Variants in SCN9A observed in about 807,000 individuals in gnomAD.
The protein encoded by SCN9A is sodium voltage-gated channel alpha subunit 9, also known as sodium channel protein type 9 subunit alpha.
SCN9A carries 131 observed loss-of-function variants against 187.0 expected under a neutral mutation model. The ratio of observed to expected loss-of-function variants is 0.70; its 90% CI spans 0.61 to 0.81. SCN9A has a LOEUF of 0.81. Ranked by LOEUF, SCN9A falls within the 30% of genes least tolerant of loss-of-function variation. SCN9A has a pLI of 0.00. For synonymous variants in SCN9A, 809 were observed against 808.6 expected, an observed-to-expected ratio of 1.00 and a Z score of -0.01; for missense variants, 2,252 against 2,396.6, an observed-to-expected ratio of 0.94 and a Z score of 1.26.
At chr2:166,305,747 G>A in intron 5 of SCN9A, 45 bp downstream of exon 5, 1 of 1,612,316 alleles carries the variant, frequency 6.2e-7, no homozygotes, top group Non-Finnish European at 8.5e-7. Context: ...TGTGCTGCCT[G>A]AGATTTTCAT....
At chr2:166,214,341 C>T (rs1195605085) in intron 24 of SCN9A, among the ~76,000 whole-genome samples, 1 of 152,056 alleles carries the variant, frequency 6.6e-6, no homozygotes, top group Non-Finnish European at 1.5e-5. Flanking sequence ...CATTAGGCTA[C>T]ACGTTTTCCA....
intron 1 of SCN9A, among the ~76,000 whole-genome samples, chr2:166,360,978 G>A (rs1369737723): frequency 1.3e-5 from 2 of 152,136 alleles, no homozygotes; most frequent in Non-Finnish European, 2.9e-5. Context: ...TAACCCAGTT[G>A]TTAAATTCAT....
chr2:166,374,156 C>T (rs188790411), intron 1 of SCN9A, among the ~76,000 whole-genome samples: 199 of 152,334 alleles, frequency 1.3e-3, no homozygotes, highest in Non-Finnish European at 2.1e-3. Context: ...CATCTTTCTT[C>T]TGTAGAAGCA....
chr2:166,226,928 ATAT>A (rs1029903643), intron 23 of SCN9A, among the ~76,000 whole-genome samples: 1 of 152,086 alleles, frequency 6.6e-6, no homozygotes, highest in African/African-American at 2.4e-5. Context: ...GTAATAAATA[ATAT>A]AATCTTCAAA....
At chr2:166,373,540 T>A (rs1048233479) in intron 1 of SCN9A, among the ~76,000 whole-genome samples, 1 of 152,046 alleles carries the variant, frequency 6.6e-6, no homozygotes, top group Admixed American at 6.6e-5. Context: ...AGACGTATGA[T>A]GAAATAGAAA....
At chr2:166,303,923 G>T in intron 6 of SCN9A, 1 of 1,137,756 alleles carries the variant, frequency 8.8e-7, no homozygotes, top group Non-Finnish European at 1.3e-6. Flanking sequence ...TAATGATTGT[G>T]GAAAACAGAA....
intron 9 of SCN9A, among the ~76,000 whole-genome samples, chr2:166,290,804 A>G (rs1698029113): frequency 6.6e-6 from 1 of 152,330 alleles, no homozygotes; most frequent in Admixed American, 6.5e-5. Flanking sequence ...GTAATCCATC[A>G]CATAAACAGA....
At chr2:166,363,044 G>T (rs921381368) in intron 1 of SCN9A, among the ~76,000 whole-genome samples, 1 of 151,904 alleles carries the variant, frequency 6.6e-6, no homozygotes, top group African/African-American at 2.4e-5. Context: ...CCTCCACAAG[G>T]ATTGTCTAAA....
intron 1 of SCN9A, among the ~76,000 whole-genome samples, chr2:166,331,852 A>C (rs903503958): frequency 1.3e-5 from 2 of 152,208 alleles, no homozygotes; most frequent in African/African-American, 4.8e-5. Flanking sequence ...TTTAATATAA[A>C]AAGTCAAAAA....
Position 166,293,261 on chromosome 2 carries a change from G to T in SCN9A, c.1077C>A (p.Thr359=). The T allele has an allele frequency of 1.3e-6, 2 of 1,590,196 alleles. No homozygotes were observed. The highest frequency in any genetic ancestry group is 1.7e-6 in the Non-Finnish European group (2 of 1,166,800). Residue 359 remains threonine (T), a synonymous_variant, in exon 9 of 27, where the codon ACC becomes ACA. Transcript: ENST00000642356. The part of the protein sequence containing the change: ...WAFLALFRLM[T]QDYWENLYQQ... Reference sequence around the variant, plus strand: ...GGTAAAGGTTTTCCCAGTAATCTTGGGTCATTAGCCTAAACAAGGCTAAGA... The same window carrying T: ...GGTAAAGGTTTTCCCAGTAATCTTGTGTCATTAGCCTAAACAAGGCTAAGA...
At chr2:166,219,500 A>G (rs763161225) in intron 24 of SCN9A, among the ~76,000 whole-genome samples, 47 of 152,166 alleles carry the variant, frequency 3.1e-4, no homozygotes, top group East Asian at 5.8e-4. Flanking sequence ...GTTCTCACTT[A>G]TAAGTGGGAG....
intron 15 of SCN9A, chr2:166,277,615 T>C (rs539110130): frequency 3.0e-6 from 1 of 331,826 alleles, no homozygotes; most frequent in South Asian, 7.7e-5. Flanking sequence ...TTTGTGATAT[T>C]TTTCTTTTAG....
chr2:166,198,983 G>A lies in SCN9A; in HGVS notation c.5656C>T (p.Arg1886Trp), dbSNP rs560168893. Residue 1886 changes from arginine to tryptophan, a missense_variant, in exon 27 of 27, where the codon CGG (arginine) becomes TGG (tryptophan). Arg to Trp is a moderately radical substitution (Grantham distance 101). Transcript: ENST00000642356. ...SYEPITTTLK[R>W]KQEDVSATVI... ...GTAGCAGACACATCCTCTTGTTTCC[G>A]TTTTAGTGTGGTTGTGATGGGTTCA... 10 of 1,613,958 alleles carry A rather than the reference G, an allele frequency of 6.2e-6. No homozygotes were observed. In the East Asian group the frequency reaches 6.7e-5, roughly 11 times the overall value.
intron 6 of SCN9A, chr2:166,303,919 T>C: frequency 9.1e-7 from 1 of 1,100,222 alleles, no homozygotes; most frequent in Non-Finnish European, 1.3e-6. Flanking sequence ...TTGATAATGA[T>C]TGTGGAAAAC....
intron 20 of SCN9A, 56 bp from the exon 21 acceptor site, chr2:166,233,518 A>T (rs1695187700): frequency 6.9e-7 from 1 of 1,447,530 alleles, no homozygotes; most frequent in African/African-American, 1.5e-5. Flanking sequence ...GCATAAAAGG[A>T]AAAAGTCAAT....
chr2:166,336,384 C>T (rs1183763096), intron 1 of SCN9A, among the ~76,000 whole-genome samples: 1 of 152,120 alleles, frequency 6.6e-6, no homozygotes, highest in Non-Finnish European at 1.5e-5. Context: ...AAAATCATTA[C>T]ATACATTTCC....
intron 1 of SCN9A, among the ~76,000 whole-genome samples, chr2:166,336,254 A>T (rs746843910): frequency 2.0e-5 from 3 of 152,160 alleles, no homozygotes; most frequent in African/African-American, 7.2e-5. Context: ...TAAGCGATTT[A>T]ATCACCAATT....
rs1699783008 is a variant in SCN9A at position 166,341,428 on chromosome 2, T to G, written c.-50-29622A>C. Among the ~76,000 whole-genome samples, 4 of 152,230 alleles carry G rather than the reference T, an allele frequency of 2.6e-5. No homozygotes were observed. In the South Asian group the frequency reaches 8.3e-4, roughly 32 times the overall value. On this transcript the variant is annotated intron_variant, in intron 1 of 26. Transcript: ENST00000642356. ...TATGACCAGAAGTCAGGCTTTGAGC[T>G]TTGAGTTCAGTGGCTTCTCCCACTT...
rs1200317773 is a variant in SCN9A, at chr2:166,199,997, T to G, written c.4775-133A>C. On this transcript the variant is annotated intron_variant, in intron 26 of 26. Coordinates refer to ENST00000642356, the MANE Select transcript of SCN9A (RefSeq NM_001365536.1). ...ACAGTTTTTTTTTTTTTTTTTTTTT[T>G]TTTTTTTTTTTTTTTTTTGAGACGG... is the stretch of plus-strand genomic sequence containing the variant. The G allele has an allele frequency of 4.6e-4, 250 of 540,032 alleles. 5 individuals carry two copies. The African/African-American group carries it at 8.9e-3, about 19-fold the overall frequency. 33.5% of individuals were successfully genotyped at this position (540,032 alleles called of 1,614,324 possible).
Sources: gnomAD v4.1 joint callset for allele counts (sites outside exome capture counted in the v4.1 genomes callset) on GRCh38, gnomAD v4.1.1 for gene constraint, MANE v1.5 for transcripts, NCBI Gene and HGNC (gene_info 2026-07-23, HGNC 2026-07-21) for gene names.